TRPM3: variants seen among roughly 807,000 people sequenced by gnomAD.
TRPM3 encodes the protein long transient receptor potential channel 3.
Under a neutral mutation model 181.2 loss-of-function variants are expected in TRPM3, and 77 were observed. The ratio of observed to expected loss-of-function variants is 0.42; its 90% confidence interval spans 0.35 to 0.51. TRPM3 has a LOEUF of 0.51. Among genes scored for constraint, TRPM3 ranks in the 20% least tolerant of loss-of-function variants. TRPM3 has a pLI of 0.01. For synonymous variants in TRPM3, 745 were observed against 796.4 expected (o/e 0.94, Z 1.09); for missense variants, 1,759 against 2,196.7 (o/e 0.80, Z 3.98).
intron 1 of TRPM3, among the ~76,000 whole-genome samples, chr9:71,107,885 T>C (rs1011534912): frequency 2.0e-5 from 3 of 152,170 alleles, no homozygotes; most frequent in Non-Finnish European, 4.4e-5. Context: ...TTCCAAACAA[T>C]GTGCTATTTT....
At chr9:70,618,040 A>T (rs2063054596) in intron 17 of TRPM3, among the ~76,000 whole-genome samples, 2 of 152,218 alleles carry the variant, frequency 1.3e-5, no homozygotes, top group South Asian at 4.1e-4. Context: ...AAATTAAAAC[A>T]AACAAAAAAC....
chr9:71,196,567 G>C (rs1037712931), intron 1 of TRPM3, among the ~76,000 whole-genome samples: 19 of 151,620 alleles, frequency 1.3e-4, no homozygotes, highest in Non-Finnish European at 5.9e-5. Context: ...CCTGTGAATT[G>C]ACCTGTTCTT....
intron 8 of TRPM3, among the ~76,000 whole-genome samples, chr9:70,683,659 A>C (rs1443242718): frequency 2.6e-5 from 4 of 151,990 alleles, no homozygotes; most frequent in African/African-American, 4.8e-5. Flanking sequence ...AAGGGCCGTC[A>C]GGTAGAGGTG....
Position 71,188,058 on chromosome 9 carries a change from T to C in TRPM3, c.183+258595A>G, listed in dbSNP as rs78579711. ...TTAGGTTCTTTCCATTTCTTTATATTACAGACAACTTTAATAAACATCCTT... is the reference window on the plus strand; with the variant it reads ...TTAGGTTCTTTCCATTTCTTTATATCACAGACAACTTTAATAAACATCCTT... On this transcript the variant is annotated intron_variant, in intron 1 of 24. Coordinates refer to the TRPM3 transcript ENST00000357533. Among the ~76,000 whole-genome samples, 633 of 152,078 alleles carry C rather than the reference T, an allele frequency of 4.2e-3. 2 individuals carry two copies. Among genetic ancestry groups the C allele is most frequent in the Non-Finnish European group, 7.1e-3 (479 of 67,916 alleles).
At chr9:71,430,149 AT>A (rs759080755) in intron 1 of TRPM3, among the ~76,000 whole-genome samples, 18 of 152,220 alleles carry the variant, frequency 1.2e-4, no homozygotes, top group Non-Finnish European at 2.4e-4. Flanking sequence ...TCATTAGAAT[AT>A]AAGCTCCAGG....
chr9:71,074,013 T>C (rs973369861), intron 1 of TRPM3, among the ~76,000 whole-genome samples: 1 of 152,216 alleles, frequency 6.6e-6, no homozygotes, highest in Admixed American at 6.5e-5. Flanking sequence ...TTCTATTAAA[T>C]TGGAGCTTTT....
chr9:70,839,448 G>A (rs1028750401), intron 5 of TRPM3, among the ~76,000 whole-genome samples: 2 of 152,018 alleles, frequency 1.3e-5, no homozygotes, highest in Non-Finnish European at 2.9e-5. Flanking sequence ...ATCCTAAAGG[G>A]GTTAAGATGA....
chr9:71,287,386 A>G (rs754694334), intron 1 of TRPM3, among the ~76,000 whole-genome samples: 4 of 151,932 alleles, frequency 2.6e-5, no homozygotes, highest in Non-Finnish European at 5.9e-5. Flanking sequence ...ATGGCTGCAT[A>G]TAAGATTTTT....
intron 1 of TRPM3, among the ~76,000 whole-genome samples, chr9:71,331,750 A>AG (rs2090146504): frequency 5.5e-5 from 4 of 73,046 alleles, no homozygotes; most frequent in Admixed American, 1.7e-4. Context: ...AGGAGGAGGA[A>AG]AAGGGGGAGA....
At chr9:70,676,597 AGAG>A (rs1377743896) in intron 9 of TRPM3, among the ~76,000 whole-genome samples, 2 of 152,132 alleles carry the variant, frequency 1.3e-5, no homozygotes, top group African/African-American at 4.8e-5. Flanking sequence ...GGGCCAGCTG[AGAG>A]GAGCAGGTGG....
intron 11 of TRPM3, 144 bp downstream of exon 11, chr9:70,638,916 A>G (rs1374013750): frequency 9.8e-6 from 9 of 920,868 alleles, no homozygotes; most frequent in African/African-American, 5.0e-5. Context: ...TTTGTCATCT[A>G]TGTAGGTCTA....
At chr9:70,807,213 C>T (rs1265471953) in intron 6 of TRPM3, among the ~76,000 whole-genome samples, 1 of 152,138 alleles carries the variant, frequency 6.6e-6, no homozygotes, top group Non-Finnish European at 1.5e-5. Context: ...GGAGGAAAAT[C>T]AATAGTTATT....
intron 7 of TRPM3, chr9:70,774,928 C>T (rs1342662218): frequency 6.6e-6 from 1 of 152,170 alleles, no homozygotes; most frequent in Non-Finnish European, 1.5e-5. Context: ...TGAAATCCTA[C>T]TTTAATGCAT....
intron 9 of TRPM3, among the ~76,000 whole-genome samples, chr9:70,644,476 AT>A (rs2058513421): frequency 6.6e-6 from 1 of 152,190 alleles, no homozygotes; most frequent in African/African-American, 2.4e-5. Flanking sequence ...ATCTCAATAG[AT>A]GCAGAAAAGG....
intron 10 of TRPM3, 131 bp downstream of exon 10, chr9:70,640,429 T>G: frequency 1.6e-6 from 1 of 642,974 alleles, no homozygotes; most frequent in East Asian, 2.8e-5. Context: ...GGATACAGAC[T>G]TTGCTACCAA....
intron 7 of TRPM3, among the ~76,000 whole-genome samples, chr9:70,768,120 G>C (rs2079502346): frequency 6.6e-6 from 1 of 152,050 alleles, no homozygotes; most frequent in Non-Finnish European, 1.5e-5. Flanking sequence ...TCCATATTTT[G>C]GTGATAAACA....
At chr9:70,980,096 C>CACACACACACAG (rs1554789041) in intron 1 of TRPM3, among the ~76,000 whole-genome samples, 3 of 151,712 alleles carry the variant, frequency 2.0e-5, no homozygotes, top group Non-Finnish European at 2.9e-5. Context: ...CACACACACA[C>CACACACACACAG]GGAGTACACT....
At chr9:70,698,629 C>T (rs768550505) in intron 8 of TRPM3, among the ~76,000 whole-genome samples, 1 of 152,060 alleles carries the variant, frequency 6.6e-6, no homozygotes, top group Non-Finnish European at 1.5e-5. Flanking sequence ...ATCAGTGTCC[C>T]CACCAAAATC....
At chr9:70,678,051 T>C (rs546913885) in intron 9 of TRPM3, among the ~76,000 whole-genome samples, 1 of 152,176 alleles carries the variant, frequency 6.6e-6, no homozygotes, top group East Asian at 1.9e-4. Flanking sequence ...CAAAGTTAAC[T>C]GAATATCCTG....
Sources: gnomAD v4.1 joint callset for allele counts (sites outside exome capture counted in the v4.1 genomes callset) on GRCh38, gnomAD v4.1.1 for gene constraint, MANE v1.5 for transcripts, NCBI Gene and HGNC (gene_info 2026-07-23, HGNC 2026-07-21) for gene names.